The following C16orf96 variants were observed in gnomAD, a reference collection of about 807,000 sequenced individuals.
C16orf96 encodes uncharacterized protein C16orf96.
Under a neutral mutation model 103.6 loss-of-function variants are expected in C16orf96, and 108 were observed. That is an observed-to-expected ratio of 1.04 (90% CI 0.89 to 1.22). The LOEUF (loss-of-function observed/expected upper bound fraction) is 1.22, where lower values mean the gene tolerates loss of function less well. Among genes scored for constraint, C16orf96 ranks in the 50% most tolerant of loss-of-function variants. The probability of loss-of-function intolerance (pLI) is 0.00; values close to 1 mark genes in which losing one functional copy is unlikely to be tolerated. For synonymous variants in C16orf96, 566 were observed against 593.5 expected (o/e 0.95, Z 0.67); for missense variants, 1,586 against 1,464.2 (o/e 1.08, Z -1.36).
chr16:4,541,348 A>G, the C16orf96 span, among the ~76,000 whole-genome samples: 2 of 152,248 alleles, frequency 1.3e-5, no homozygotes, highest in African/African-American at 4.8e-5. Context: ...CCCAAAATCA[A>G]TACTTGTGGT....
rs188841209 is a variant in C16orf96 at position 4,572,554 on chromosome 16, G to A, written c.525+889G>A. ...CTGACCTCTTGATCCGCCCGCCTCA[G>A]CCTCCCAAAGTGCCAGGATTACAGG... On this transcript the variant is annotated intron_variant, in intron 2 of 15. Transcript: ENST00000444310. 3.3e-4 allele frequency among the ~76,000 whole-genome samples: 50 copies of A among 152,106 alleles called. No individual in the cohort carries two copies. The East Asian group carries it at 5.8e-3, about 18-fold the overall frequency.
intron 9 of C16orf96, among the ~76,000 whole-genome samples, chr16:4,590,287 G>C (rs747325043): frequency 6.6e-6 from 1 of 151,804 alleles, no homozygotes; most frequent in African/African-American, 2.4e-5. Flanking sequence ...GGCCAGGCGC[G>C]GTGGCTCACA....
At chr16:4,589,089 A>C (rs373437574) in intron 9 of C16orf96, among the ~76,000 whole-genome samples, 7 of 152,160 alleles carry the variant, frequency 4.6e-5, no homozygotes, top group African/African-American at 1.7e-4. Context: ...ACAGTCCCTC[A>C]GAGACTCTCC....
intron 14 of C16orf96, among the ~76,000 whole-genome samples, chr16:4,596,472 G>A (rs1283787730): frequency 2.4e-5 from 3 of 125,078 alleles, no homozygotes; most frequent in Non-Finnish European, 3.2e-5. Flanking sequence ...ACAACAGAGC[G>A]AGACTTCGTC....
the C16orf96 span, among the ~76,000 whole-genome samples, chr16:4,547,634 TTC>T: frequency 6.8e-6 from 1 of 146,716 alleles, no homozygotes; most frequent in Non-Finnish European, 1.5e-5. Context: ...TTCTCTTTCT[TTC>T]TGTCTTTCTT....
chr16:4,573,819 TTTG>T (rs970813384), intron 2 of C16orf96, among the ~76,000 whole-genome samples: 9 of 151,414 alleles, frequency 5.9e-5, no homozygotes, highest in Non-Finnish European at 1.3e-4. Flanking sequence ...TGGAGGTGTT[TTTG>T]TTGTTGTTGT....
At chr16:4,584,428 A>G (rs1355868784) in intron 7 of C16orf96, among the ~76,000 whole-genome samples, 6 of 125,006 alleles carry the variant, frequency 4.8e-5, no homozygotes, top group Non-Finnish European at 8.3e-5. Context: ...GCTCATTGTA[A>G]CCTCCGCCTC....
rs997036158 is a variant in C16orf96, at chr16:4,575,641, T to C, written c.1161T>C (p.Pro387=). The C allele has an allele frequency of 4.6e-6, 7 of 1,533,014 alleles. No homozygotes were observed. In the African/African-American group the frequency reaches 5.5e-5, roughly 12 times the overall value. 95.0% of individuals were successfully genotyped at this position (1,533,014 alleles called of 1,614,324 possible). ...AGCCTCCACCACTGGGAGACTGGCC[T>C]GCACTCCCAAGACGCTGGCCTCTTC... is the stretch of plus-strand genomic sequence containing the variant. ...GAQPPPLGDW[P]ALPRRWPLPQ... Residue 387 remains proline, a synonymous_variant, in exon 5 of 16, where the codon CCT becomes CCC. Coordinates refer to ENST00000444310, the MANE Select transcript of C16orf96 (RefSeq NM_001145011.2).
intron 14 of C16orf96, among the ~76,000 whole-genome samples, chr16:4,595,177 A>C (rs976006379): frequency 2.0e-5 from 3 of 152,128 alleles, no homozygotes. Flanking sequence ...AGGGACTAGG[A>C]CTTAGCTGGA....
At chr16:4,594,136 G>C (rs189551156) in intron 12 of C16orf96, among the ~76,000 whole-genome samples, 214 of 152,338 alleles carry the variant, frequency 1.4e-3, no homozygotes, top group Non-Finnish European at 2.8e-3. Context: ...GAAATGGCTG[G>C]GTCTGGGGAA....
chr16:4,566,873 G>A (rs1281990371), intron 1 of C16orf96, among the ~76,000 whole-genome samples: 2 of 151,972 alleles, frequency 1.3e-5, no homozygotes, highest in East Asian at 1.9e-4. Context: ...TTTCATTTCT[G>A]ATTCTAATAA....
the C16orf96 span, among the ~76,000 whole-genome samples, chr16:4,543,472 G>C: frequency 1.3e-5 from 2 of 151,940 alleles, no homozygotes; most frequent in Admixed American, 6.6e-5. Context: ...CTAGATTCTT[G>C]TTTTATTTTA....
At chr16:4,577,987 G>A (rs544779144) in intron 5 of C16orf96, among the ~76,000 whole-genome samples, 2 of 152,186 alleles carry the variant, frequency 1.3e-5, no homozygotes, top group African/African-American at 4.8e-5. Context: ...GCGCAGGCCT[G>A]TAGTCCCAAC....
rs1360916761 is a variant in C16orf96, at chr16:4,588,306, A to G, written c.2567A>G (p.Glu856Gly). 7 of 1,551,470 alleles carry G rather than the reference A, an allele frequency of 4.5e-6. No individual in the cohort carries two copies. ...HEDSWKKAME[E>G]LSKDVNTKLV... The stretch of plus-strand genomic sequence containing the variant: ...GACAGCTGGAAGAAGGCTATGGAGG[A>G]GCTCAGCAAGGACGTGAACACCAAG... The change falls in exon 9 of 16, where the codon GAG becomes GGG. Residue 856 changes from glutamate (E) to glycine (G), a missense_variant. Physicochemically the swap from Glu to Gly is moderately conservative, Grantham distance 98 (BLOSUM62 -2). Coordinates refer to ENST00000444310, the MANE Select transcript of C16orf96 (RefSeq NM_001145011.2).
At chr16:4,551,124 C>G in the C16orf96 span, among the ~76,000 whole-genome samples, 1 of 152,130 alleles carries the variant, frequency 6.6e-6, no homozygotes, top group African/African-American at 2.4e-5. Context: ...TAAAAATAAT[C>G]AGCCAGGAGA....
In C16orf96 at chr16:4,593,132, G is replaced by C. The variant is rs1201562040; in HGVS notation, c.2775-92G>C. On this transcript the variant is annotated intron_variant, in intron 11 of 15. Coordinates refer to ENST00000444310, the MANE Select transcript of C16orf96 (RefSeq NM_001145011.2). The surrounding 1 kb of genome is among the most constrained non-coding windows in gnomAD (Gnocchi z 4.2). The stretch of plus-strand genomic sequence containing the variant: ...CCTGAGTCTGCACCTCCTTCCTCCT[G>C]CTGGGAAGGCTTCCTGGAGGGGTGG... The C allele has an allele frequency of 1.6e-6, 2 of 1,247,102 alleles. No homozygotes were observed. The highest frequency in any genetic ancestry group is 1.5e-5 in the African/African-American group (1 of 66,986). 77.3% of individuals were successfully genotyped at this position (1,247,102 alleles called of 1,614,324 possible).
At chr16:4,544,608 G>A in the C16orf96 span, among the ~76,000 whole-genome samples, 1 of 152,040 alleles carries the variant, frequency 6.6e-6, no homozygotes. Flanking sequence ...GACCCTGTCT[G>A]AAAAATAGGT....
the C16orf96 span, among the ~76,000 whole-genome samples, chr16:4,549,103 T>A: frequency 2.6e-5 from 4 of 151,976 alleles, 1 homozygote; most frequent in Admixed American, 2.6e-4. Flanking sequence ...GAGACCCTAT[T>A]AAAAAAAGTG....
the C16orf96 span, among the ~76,000 whole-genome samples, chr16:4,539,127 G>A: frequency 7.2e-5 from 11 of 152,128 alleles, no homozygotes; most frequent in South Asian, 2.1e-4. Context: ...CTGTCCCTGC[G>A]CTTGAAACTG....
Sources: gnomAD v4.1 joint callset for allele counts (sites outside exome capture counted in the v4.1 genomes callset) on GRCh38, gnomAD v4.1.1 for gene constraint, Gnocchi (gnomAD v3.1) non-coding constraint, MANE v1.5 for transcripts, NCBI Gene and HGNC (gene_info 2026-07-23, HGNC 2026-07-21) for gene names.